SSH1: variants seen among roughly 807,000 people sequenced by gnomAD.
SSH1 encodes the protein protein phosphatase Slingshot homolog 1.
Under a neutral mutation model 79.7 loss-of-function variants are expected in SSH1, and 43 were observed. The ratio of observed to expected loss-of-function variants is 0.54; its 90% CI spans 0.42 to 0.70. The LOEUF (loss-of-function observed/expected upper bound fraction) is 0.70. SSH1 is among the 30% of genes least tolerant of loss of function. The pLI is 0.00. For missense variants in SSH1, 1,206 were observed against 1,358.8 expected, an observed-to-expected ratio of 0.89 and a Z score of 1.77; for synonymous variants, 599 against 538.3, an observed-to-expected ratio of 1.11 and a Z score of -1.56.
At chr12:108,853,217 A>G (rs1227734339) in intron 1 of SSH1, 2 of 985,432 alleles carry the variant, frequency 2.0e-6, no homozygotes, top group South Asian at 4.7e-5. Flanking sequence ...AAAGACTTAA[A>G]CATTTGATAC....
At chr12:108,853,950 G>A (rs916874309) in intron 1 of SSH1, among the ~76,000 whole-genome samples, 2 of 150,656 alleles carry the variant, frequency 1.3e-5, no homozygotes, top group African/African-American at 4.9e-5. Context: ...GTACACCAGA[G>A]GGCCTGGGAG....
Position 108,788,928 on chromosome 12 carries a change from G to A in SSH1, c.2210C>T (p.Pro737Leu). ...GPGAGAALEPPASLLEPSRET... is the reference protein window; with the variant it reads ...GPGAGAALEPLASLLEPSRET... ...TCTGGAAGGTTCCAAAAGGCTGGCTGGTGGCTCTAGGGCAGCTCCAGCCCC... is the reference window on the plus strand; with the variant it reads ...TCTGGAAGGTTCCAAAAGGCTGGCTAGTGGCTCTAGGGCAGCTCCAGCCCC... Residue 737 changes from proline (P) to leucine (L), a missense_variant, in exon 15 of 15, where the codon CCA becomes CTA. By Grantham distance (98) the Pro-to-Leu change is moderately conservative (BLOSUM62 -3). Coordinates refer to ENST00000326495, the MANE Select transcript of SSH1 (RefSeq NM_018984.4). 6.2e-7 allele frequency: 1 copy of A among 1,614,192 alleles called. No individual in the cohort carries two copies. Among genetic ancestry groups the A allele is most frequent in the Non-Finnish European group, 8.5e-7 (1 of 1,180,036 alleles).
intron 3 of SSH1, among the ~76,000 whole-genome samples, chr12:108,818,785 G>A (rs1222289255): frequency 1.3e-5 from 2 of 152,074 alleles, no homozygotes; most frequent in East Asian, 1.9e-4. Context: ...ACAGAGTCTC[G>A]CACTGTCACC....
chr12:108,815,022 C>A (rs1593073437), intron 5 of SSH1, among the ~76,000 whole-genome samples: 1 of 152,250 alleles, frequency 6.6e-6, no homozygotes, highest in Non-Finnish European at 1.5e-5. Context: ...GCCCCAGCAC[C>A]TGGCGGGGCG....
intron 2 of SSH1, among the ~76,000 whole-genome samples, chr12:108,844,557 G>T (rs557078874): frequency 6.6e-6 from 1 of 152,308 alleles, no homozygotes; most frequent in African/African-American, 2.4e-5. Context: ...TAGACTGGGG[G>T]CATCCCTAGA....
rs1276598618 is a variant in SSH1 at position 108,784,624 on chromosome 12, T to C, written c.*3364A>G. 6.6e-6 allele frequency: 1 copy of C among 152,152 alleles called. No homozygotes were observed. Among genetic ancestry groups the C allele is most frequent in the Non-Finnish European group, 1.5e-5 (1 of 68,044 alleles). The allele number at this position is 152,152 out of a possible 1,614,324, so 9.4% of individuals were successfully genotyped here. On this transcript the variant is annotated 3_prime_UTR_variant, in exon 15 of 15. Transcript: ENST00000326495. ...TAAGACAAAGAAATGGAAATCGGCA[T>C]TGTCAATTACCATCCGAGAGCAGCC...
intron 2 of SSH1, among the ~76,000 whole-genome samples, chr12:108,849,485 A>T (rs537260710): frequency 8.5e-5 from 13 of 152,282 alleles, no homozygotes; most frequent in Non-Finnish European, 1.5e-4. Context: ...TGGCCCCAGG[A>T]GTTCAAGGCT....
chr12:108,813,686 TGA>T (rs1183070762), intron 5 of SSH1, among the ~76,000 whole-genome samples: 17 of 122,740 alleles, frequency 1.4e-4, no homozygotes, highest in African/African-American at 5.2e-4. Context: ...CCAGCCTGGG[TGA>T]CAGAGCGAGA....
chr12:108,803,600 G>A (rs1389434911), intron 10 of SSH1, among the ~76,000 whole-genome samples: 1 of 152,128 alleles, frequency 6.6e-6, no homozygotes, highest in Non-Finnish European at 1.5e-5. Context: ...AATTCCTTTA[G>A]TATCTCTCAT....
intron 2 of SSH1, among the ~76,000 whole-genome samples, chr12:108,828,453 T>G (rs1244772751): frequency 6.6e-6 from 1 of 152,252 alleles, no homozygotes; most frequent in Non-Finnish European, 1.5e-5. Context: ...GCCATTATGC[T>G]GCGGTCACAT....
At position 108,807,027 on chromosome 12, in the gene SSH1, G is replaced by A. The variant is rs1457993835; in HGVS notation, c.731+606C>T. Among the ~76,000 whole-genome samples the A allele has an allele frequency of 1.3e-5, 2 of 152,184 alleles. No individual in the cohort carries two copies. The highest frequency in any genetic ancestry group is 2.9e-5 in the Non-Finnish European group (2 of 68,032). On this transcript the variant is annotated intron_variant, in intron 8 of 14. Coordinates refer to ENST00000326495, the MANE Select transcript of SSH1 (RefSeq NM_018984.4). This position sits in a 1 kb window ranked among gnomAD's most constrained non-coding sequence, Gnocchi z 5.2. Reference sequence around the variant, plus strand: ...CTTCCCAAAATGCAGTGTCCTGGAGGAACACCACACTGTGGGAGCAGGGTC... The same window carrying A: ...CTTCCCAAAATGCAGTGTCCTGGAGAAACACCACACTGTGGGAGCAGGGTC...
chr12:108,851,060 ACCCTGACGTGGG>A (rs1298229159), intron 2 of SSH1, among the ~76,000 whole-genome samples: 1 of 151,984 alleles, frequency 6.6e-6, no homozygotes, highest in African/African-American at 2.4e-5. Flanking sequence ...TAGCCTGGGA[ACCCTGACGTGGG>A]CCCTGACCTG....
intron 11 of SSH1, 149 bp downstream of exon 11, chr12:108,802,173 G>T: frequency 1.4e-6 from 1 of 697,560 alleles, no homozygotes; most frequent in South Asian, 1.6e-5. Context: ...CATCTGTTTA[G>T]CTATGCACAT....
intron 12 of SSH1, 118 bp from the exon 13 acceptor site, chr12:108,799,318 G>T: frequency 1.2e-6 from 1 of 843,688 alleles, no homozygotes; most frequent in Non-Finnish European, 1.8e-6. Context: ...TTTAAACCCT[G>T]TAGATATCTT....
rs150652203 is a variant in SSH1 at position 108,803,690 on chromosome 12, T to G, written c.955-1322A>C. Reference sequence around the variant, plus strand: ...TGAAGCTGAGACTGTCCTCTTGCTGTGACTGCCACCTAGTGGAGAAAGAAG... The same window carrying G: ...TGAAGCTGAGACTGTCCTCTTGCTGGGACTGCCACCTAGTGGAGAAAGAAG... On this transcript the variant is annotated intron_variant, in intron 10 of 14. Coordinates refer to ENST00000326495, the MANE Select transcript of SSH1 (RefSeq NM_018984.4). 3.2e-3 allele frequency among the ~76,000 whole-genome samples: 487 copies of G among 152,332 alleles called. 4 individuals carry two copies. The highest frequency in any genetic ancestry group is 0.011 in the African/African-American group (440 of 41,574).
chr12:108,817,141 C>T lies in SSH1; in HGVS notation c.298G>A (p.Ala100Thr), dbSNP rs1322104640. ...ATGTACCGGACCCGGTCCGCCCAGG[C>T]GCTCTCCAGGCGCACTGCCTGGAAC... is the stretch of plus-strand genomic sequence containing the variant. ...RIKLAVRLES[A>T]WADRVRYMVV... Residue 100 changes from alanine to threonine, a missense_variant, in exon 5 of 15, where the codon GCC (alanine) becomes ACC (threonine). Physicochemically the swap from Ala to Thr is moderately conservative, Grantham distance 58. Transcript: ENST00000326495. The T allele has an allele frequency of 8.1e-6, 13 of 1,613,922 alleles. No individual in the cohort carries two copies. Among genetic ancestry groups the T allele is most frequent in the South Asian group, 1.1e-5 (1 of 91,092 alleles).
intron 9 of SSH1, among the ~76,000 whole-genome samples, chr12:108,806,018 T>C (rs2037253638): frequency 6.6e-6 from 1 of 152,110 alleles, no homozygotes. Flanking sequence ...TCTGTGGATC[T>C]CATGGACTTC....
At chr12:108,849,635 T>G (rs1351895487) in intron 2 of SSH1, among the ~76,000 whole-genome samples, 1 of 151,822 alleles carries the variant, frequency 6.6e-6, no homozygotes, top group African/African-American at 2.4e-5. Context: ...TTCATGTCAC[T>G]GCTATTTATA....
At chr12:108,848,068 G>A (rs1007102279) in intron 2 of SSH1, among the ~76,000 whole-genome samples, 1 of 152,218 alleles carries the variant, frequency 6.6e-6, no homozygotes, top group Non-Finnish European at 1.5e-5. Context: ...ATGCGAGAGG[G>A]GAGGGTGGAA....
Sources: allele counts gnomAD v4.1 joint callset (sites outside exome capture counted in the v4.1 genomes callset), GRCh38; gene constraint gnomAD v4.1.1; non-coding constraint Gnocchi (gnomAD v3.1); transcripts MANE v1.5; gene names NCBI Gene and HGNC (gene_info 2026-07-23, HGNC 2026-07-21).